NDE1: variants seen among roughly 807,000 people sequenced by gnomAD.
NDE1 encodes the protein nudE neurodevelopment protein 1.
In NDE1, 28 loss-of-function variants were observed where a neutral mutation model predicts 43.4. The observed-to-expected ratio is 0.65, with a 90% confidence interval of 0.48 to 0.89. The LOEUF (loss-of-function observed/expected upper bound fraction) is 0.89. NDE1 is among the 40% of genes least tolerant of loss of function. The pLI is 0.00. For synonymous variants in NDE1, 184 were observed against 172.0 expected, an observed-to-expected ratio of 1.07 and a Z score of -0.55; for missense variants, 441 against 434.1, an observed-to-expected ratio of 1.02 and a Z score of -0.14.
intron 8 of NDE1, among the ~76,000 whole-genome samples, chr16:15,710,565 G>A (rs973810053): frequency 1.3e-5 from 2 of 152,086 alleles, no homozygotes; most frequent in African/African-American, 2.4e-5. Context: ...CTGAGAAAGG[G>A]AAGCAGAGAC....
upstream of NDE1, among the ~76,000 whole-genome samples, chr16:15,648,803 T>C (rs1478449846): frequency 1.3e-5 from 2 of 151,326 alleles, no homozygotes; most frequent in Non-Finnish European, 2.9e-5. Context: ...AGGGAAACTC[T>C]GTCTCGAAAA....
At chr16:15,653,204 C>T (rs970896874) in intron 1 of NDE1, among the ~76,000 whole-genome samples, 11 of 152,180 alleles carry the variant, frequency 7.2e-5, no homozygotes, top group African/African-American at 2.7e-4. Flanking sequence ...ACAACTGCAT[C>T]GTTTTCCATT....
At chr16:15,653,047 A>G (rs547147220) in intron 1 of NDE1, among the ~76,000 whole-genome samples, 64 of 152,236 alleles carry the variant, frequency 4.2e-4, no homozygotes, top group African/African-American at 1.4e-3. Context: ...GTCAGGTACA[A>G]ATCCACAGGG....
intron 6 of NDE1, among the ~76,000 whole-genome samples, chr16:15,692,199 G>A (rs909893849): frequency 3.9e-5 from 6 of 152,176 alleles, no homozygotes; most frequent in South Asian, 2.1e-4. Flanking sequence ...AGCCTTCGCC[G>A]CAGGCCCAGG....
At chr16:15,669,628 G>A (rs1386259200) in intron 3 of NDE1, among the ~76,000 whole-genome samples, 1 of 152,070 alleles carries the variant, frequency 6.6e-6, no homozygotes, top group Non-Finnish European at 1.5e-5. Context: ...CCAAAGTGCT[G>A]GGATTACAGG....
intron 4 of NDE1, among the ~76,000 whole-genome samples, chr16:15,680,892 G>T (rs1017773235): frequency 1.3e-5 from 2 of 151,596 alleles, no homozygotes; most frequent in African/African-American, 2.4e-5. Context: ...AATTTTTTCC[G>T]TGGTAATCTT....
At chr16:15,719,324 G>A in intron 8 of NDE1, 1 of 1,608,140 alleles carries the variant, frequency 6.2e-7, no homozygotes, top group Non-Finnish European at 8.5e-7. Flanking sequence ...TGGGAGGGAG[G>A]AAGGCTGTTG....
intron 3 of NDE1, among the ~76,000 whole-genome samples, chr16:15,675,460 G>A (rs1197424905): frequency 1.4e-5 from 2 of 147,366 alleles, no homozygotes; most frequent in African/African-American, 2.5e-5. Context: ...TTTAAGTGTC[G>A]TGGTCTCACT....
chr16:15,719,156 C>T lies in NDE1; in HGVS notation c.948-5035C>T, dbSNP rs150564933. ...AAAATTTAAAAAATAAAATGGGGGT[C>T]GAGGATGCTGCCTGTCCCCCCATCC... On this transcript the variant is annotated intron_variant, in intron 8 of 8. Coordinates refer to ENST00000396354, the MANE Select transcript of NDE1 (RefSeq NM_017668.3). The T allele has an allele frequency of 1.3e-4, 193 of 1,477,500 alleles. No individual in the cohort carries two copies. The African/African-American group carries it at 1.6e-3, about 12-fold the overall frequency. The allele number at this position is 1,477,500 out of a possible 1,614,324, so 91.5% of individuals were successfully genotyped here. A position where few individuals can be genotyped will look rare whatever the true frequency, so the allele number is the denominator to read the frequency against.
At chr16:15,709,291 C>T (rs893925450) in intron 8 of NDE1, among the ~76,000 whole-genome samples, 3 of 151,530 alleles carry the variant, frequency 2.0e-5, no homozygotes, top group Admixed American at 6.6e-5. Flanking sequence ...TCACCTGACG[C>T]CAAGAGCATT....
intron 8 of NDE1, among the ~76,000 whole-genome samples, chr16:15,706,563 C>G (rs1333085607): frequency 2.0e-5 from 3 of 151,896 alleles, no homozygotes; most frequent in Non-Finnish European, 4.4e-5. Context: ...CTAAATTAGC[C>G]GTGCGTGGTG....
At position 15,721,501 on chromosome 16, in the gene NDE1, T is replaced by G; in HGVS notation, c.948-2690T>G. Reference sequence around the variant, plus strand: ...CATTTTGTTGGTCCGCTCGAGTTCCTCTTTGGCTTCCAAGGCCTCTTCAAG... The same window carrying G: ...CATTTTGTTGGTCCGCTCGAGTTCCGCTTTGGCTTCCAAGGCCTCTTCAAG... On this transcript the variant is annotated intron_variant, in intron 8 of 8. Transcript: ENST00000396354. The G allele has an allele frequency of 6.2e-7, 1 of 1,614,212 alleles. No individual in the cohort carries two copies. Among genetic ancestry groups the G allele is most frequent in the Non-Finnish European group, 8.5e-7 (1 of 1,180,036 alleles).
At chr16:15,699,693 G>C in intron 8 of NDE1, 1 of 1,339,088 alleles carries the variant, frequency 7.5e-7, no homozygotes, top group South Asian at 1.2e-5. Flanking sequence ...TGTCACAGCT[G>C]TTATGTCAGC....
chr16:15,682,258 CACT>C (rs2038222400), intron 4 of NDE1, among the ~76,000 whole-genome samples: 1 of 152,082 alleles, frequency 6.6e-6, no homozygotes, highest in Non-Finnish European at 1.5e-5. Flanking sequence ...GTGGCACGAT[CACT>C]TCAGCCTCCC....
At chr16:15,678,099 G>A in intron 4 of NDE1, 150 bp downstream of exon 4, 1 of 1,003,478 alleles carries the variant, frequency 1.0e-6, no homozygotes, top group African/African-American at 1.6e-5. Context: ...TGCCCGGGGG[G>A]AAATGGACAA....
At chr16:15,697,031 C>G in intron 8 of NDE1, 171 bp downstream of exon 8, 3 of 1,525,460 alleles carry the variant, frequency 2.0e-6, no homozygotes, top group Non-Finnish European at 2.6e-6. Context: ...TGTCTTGTGG[C>G]TTGAACAAAG....
intron 5 of NDE1, among the ~76,000 whole-genome samples, chr16:15,689,736 T>TA (rs2038632152): frequency 6.6e-6 from 1 of 152,014 alleles, no homozygotes; most frequent in Non-Finnish European, 1.5e-5. Flanking sequence ...GGTCAGGAGT[T>TA]AGAGTCCAGC....
intron 8 of NDE1, chr16:15,703,484 A>G: frequency 3.7e-6 from 1 of 271,504 alleles, no homozygotes; most frequent in South Asian, 9.0e-5. Context: ...TGTCTGCACA[A>G]TCCATTGATA....
Position 15,725,872 on chromosome 16 carries a change from A to G in NDE1, c.*1621A>G. On this transcript the variant is annotated 3_prime_UTR_variant, in exon 9 of 9. Transcript: ENST00000396354. ...TCAACAGCTTCACATTGCCCAGAGT[A>G]AGGATCAACATACATGTAATAGGTT... 2.5e-6 allele frequency: 1 copy of G among 394,240 alleles called. No homozygotes were observed. Among genetic ancestry groups the G allele is most frequent in the Non-Finnish European group, 4.5e-6 (1 of 223,802 alleles). 24.4% of individuals were successfully genotyped at this position (394,240 alleles called of 1,614,324 possible).
Sources: gnomAD v4.1 joint callset for allele counts (sites outside exome capture counted in the v4.1 genomes callset) on GRCh38, gnomAD v4.1.1 for gene constraint, MANE v1.5 for transcripts, NCBI Gene and HGNC (gene_info 2026-07-23, HGNC 2026-07-21) for gene names.